EBPL: variants seen among roughly 807,000 people sequenced by gnomAD.
The protein encoded by EBPL is EBP like.
Under a neutral mutation model 19.0 loss-of-function variants are expected in EBPL, and 20 were observed. The observed-to-expected ratio is 1.05, with a 90% CI of 0.74 to 1.53. The LOEUF (loss-of-function observed/expected upper bound fraction) is 1.53. Ranked by LOEUF, EBPL falls within the 40% of genes most tolerant of loss-of-function variation. The probability of loss-of-function intolerance (pLI) is 0.00; values close to 1 mark genes in which losing one functional copy is unlikely to be tolerated. For missense variants in EBPL, 219 were observed against 261.1 expected, an observed-to-expected ratio of 0.84 and a Z score of 1.11; for synonymous variants, 107 against 117.0, an observed-to-expected ratio of 0.91 and a Z score of 0.55.
At chr13:49,686,869 C>T (rs554153469) in intron 1 of EBPL, among the ~76,000 whole-genome samples, 1 of 152,302 alleles carries the variant, frequency 6.6e-6, no homozygotes, top group South Asian at 2.1e-4. Flanking sequence ...AATCATATCT[C>T]ACTGCAGCCT....
intron 1 of EBPL, among the ~76,000 whole-genome samples, chr13:49,685,571 C>G (rs1969738): frequency 0.18 from 28,045 of 152,160 alleles, 3,244 homozygotes; most frequent in Non-Finnish European, 0.26. Context: ...CAAAGCAGTC[C>G]TCCTTCAAGA....
chr13:49,678,284 G>A (rs966739184), intron 1 of EBPL, among the ~76,000 whole-genome samples: 1 of 152,200 alleles, frequency 6.6e-6, no homozygotes, highest in African/African-American at 2.4e-5. Flanking sequence ...AGTGGATCCC[G>A]CACCAGGGCC....
intron 2 of EBPL, among the ~76,000 whole-genome samples, chr13:49,666,078 C>T (rs1965223211): frequency 6.6e-6 from 1 of 152,140 alleles, no homozygotes; most frequent in Non-Finnish European, 1.5e-5. Flanking sequence ...GACATCTCGC[C>T]ATGCAGGGCC....
At chr13:49,672,894 CTAA>C (rs1293598990) in intron 1 of EBPL, among the ~76,000 whole-genome samples, 1 of 152,110 alleles carries the variant, frequency 6.6e-6, no homozygotes, top group Non-Finnish European at 1.5e-5. Flanking sequence ...CCCACCTCTA[CTAA>C]TAATACAAAA....
intron 2 of EBPL, among the ~76,000 whole-genome samples, chr13:49,665,391 C>G (rs1965211589): frequency 6.6e-6 from 1 of 152,224 alleles, no homozygotes; most frequent in Admixed American, 6.5e-5. Flanking sequence ...CCTGCCTCAG[C>G]CTCCCAAGTA....
intron 1 of EBPL, among the ~76,000 whole-genome samples, chr13:49,673,962 T>TACACACAC (rs56323070): frequency 0.16 from 22,959 of 143,200 alleles, 2,387 homozygotes; most frequent in Non-Finnish European, 0.23. Context: ...TGGAACTTAA[T>TACACACAC]ACACACACAC....
chr13:49,678,962 A>G (rs182777242), intron 1 of EBPL, among the ~76,000 whole-genome samples: 10 of 138,604 alleles, frequency 7.2e-5, no homozygotes, highest in Non-Finnish European at 1.1e-4. Context: ...CAGTGAGTCA[A>G]GATCGTGTGT....
At chr13:49,669,376 A>G (rs942094451) in intron 2 of EBPL, among the ~76,000 whole-genome samples, 1 of 152,112 alleles carries the variant, frequency 6.6e-6, no homozygotes, top group African/African-American at 2.4e-5. Flanking sequence ...CATTTAAAAA[A>G]CTTTTTTTAA....
intron 1 of EBPL, among the ~76,000 whole-genome samples, chr13:49,673,216 A>T (rs1953837025): frequency 6.6e-6 from 1 of 152,226 alleles, no homozygotes; most frequent in Admixed American, 6.5e-5. Flanking sequence ...GCCACTAAAA[A>T]AAACCAGAGT....
At chr13:49,671,666 G>A (rs1475527517) in intron 1 of EBPL, among the ~76,000 whole-genome samples, 3 of 152,170 alleles carry the variant, frequency 2.0e-5, no homozygotes, top group Non-Finnish European at 4.4e-5. Context: ...TGGGGCAATG[G>A]GGCTGGACTG....
At chr13:49,670,802 A>G (rs552660908) in intron 1 of EBPL, among the ~76,000 whole-genome samples, 7 of 152,268 alleles carry the variant, frequency 4.6e-5, no homozygotes, top group African/African-American at 1.7e-4. Flanking sequence ...TCACTCACTC[A>G]TCAATTTTGT....
intron 1 of EBPL, 38 bp downstream of exon 1, chr13:49,691,216 T>C: frequency 7.7e-7 from 1 of 1,295,892 alleles, no homozygotes; most frequent in African/African-American, 1.5e-5. Flanking sequence ...TCCCACTCTC[T>C]GGGATGGGGA....
chr13:49,685,304 T>C (rs1354439018), intron 1 of EBPL, among the ~76,000 whole-genome samples: 2 of 152,148 alleles, frequency 1.3e-5, no homozygotes, highest in Non-Finnish European at 2.9e-5. Flanking sequence ...TAAAATACTT[T>C]AGTATATGAT....
chr13:49,679,413 G>A (rs1566319683), intron 1 of EBPL, among the ~76,000 whole-genome samples: 2 of 152,224 alleles, frequency 1.3e-5, no homozygotes, highest in African/African-American at 4.8e-5. Context: ...ACAGCAAAGG[G>A]CCACATGCAG....
intron 1 of EBPL, among the ~76,000 whole-genome samples, chr13:49,677,324 C>T (rs1307979982): frequency 1.3e-5 from 2 of 152,172 alleles, no homozygotes; most frequent in Non-Finnish European, 2.9e-5. Context: ...CTGCATCCCA[C>T]CCCAGGAAGG....
chr13:49,675,302 G>A (rs935557561), intron 1 of EBPL, among the ~76,000 whole-genome samples: 1 of 152,118 alleles, frequency 6.6e-6, no homozygotes, highest in African/African-American at 2.4e-5. Flanking sequence ...ACACAGAAAA[G>A]GTAATGCACT....
At chr13:49,675,878 GTTTT>G (rs11395508) in intron 1 of EBPL, among the ~76,000 whole-genome samples, 2 of 145,986 alleles carry the variant, frequency 1.4e-5, no homozygotes, top group Non-Finnish European at 3.0e-5. Flanking sequence ...TGTTGTTATT[GTTTT>G]TTTTTTTTTA....
At chr13:49,682,763 C>T (rs769036816) in intron 1 of EBPL, among the ~76,000 whole-genome samples, 10 of 152,204 alleles carry the variant, frequency 6.6e-5, no homozygotes, top group Non-Finnish European at 1.2e-4. Context: ...TTCTTTTCCT[C>T]CTCATTACAG....
At chr13:49,666,191 G>C (rs1359251404) in intron 2 of EBPL, among the ~76,000 whole-genome samples, 1 of 152,232 alleles carries the variant, frequency 6.6e-6, no homozygotes, top group Non-Finnish European at 1.5e-5. Flanking sequence ...TCCCCACAGA[G>C]GATGTGATTG....
Sources: allele counts gnomAD v4.1 joint callset (sites outside exome capture counted in the v4.1 genomes callset), GRCh38; gene constraint gnomAD v4.1.1; transcripts MANE v1.5; gene names NCBI Gene and HGNC (gene_info 2026-07-23, HGNC 2026-07-21).